NDUFAF7: variants seen among roughly 807,000 people sequenced by gnomAD.
NDUFAF7 encodes the protein NADH:ubiquinone oxidoreductase complex assembly factor 7.
Under a neutral mutation model 47.2 loss-of-function variants are expected in NDUFAF7, and 48 were observed. That is an observed-to-expected ratio of 1.02 (90% CI 0.81 to 1.29). The LOEUF is 1.29. Among genes scored for constraint, NDUFAF7 ranks in the 50% most tolerant of loss-of-function variants. NDUFAF7 has a pLI of 0.00. For synonymous variants in NDUFAF7, 217 were observed against 190.0 expected (o/e 1.14, Z -1.17); for missense variants, 635 against 537.6 (o/e 1.18, Z -1.79).
chr2:37,245,656 T>C (rs1373546602), intron 7 of NDUFAF7, among the ~76,000 whole-genome samples: 1 of 147,594 alleles, frequency 6.8e-6, no homozygotes, highest in African/African-American at 2.5e-5. Context: ...TTTCATTGAC[T>C]GTTATGTGCC....
downstream of NDUFAF7, among the ~76,000 whole-genome samples, chr2:37,258,379 C>T (rs1668145241): frequency 6.6e-6 from 1 of 152,196 alleles, no homozygotes; most frequent in South Asian, 2.1e-4. Context: ...TTGTTAAATG[C>T]CAGATTTCAG....
At chr2:37,237,504 A>G (rs982503177) in intron 3 of NDUFAF7, among the ~76,000 whole-genome samples, 1 of 152,192 alleles carries the variant, frequency 6.6e-6, no homozygotes, top group African/African-American at 2.4e-5. Context: ...ATATCCTCTT[A>G]TCTATGTCAT....
At chr2:37,268,471 G>T in the NDUFAF7 span, 2 of 392,730 alleles carry the variant, frequency 5.1e-6, no homozygotes, top group South Asian at 3.8e-5. Context: ...GGAATACAAA[G>T]AAGATCCAGA....
At chr2:37,250,063 A>G (rs1015574626), downstream of NDUFAF7, among the ~76,000 whole-genome samples, 4 of 151,726 alleles carry the variant, frequency 2.6e-5, no homozygotes, top group African/African-American at 7.3e-5. Context: ...CTCATTAGCT[A>G]TCATTAGTGG....
At position 37,233,980 on chromosome 2, in the gene NDUFAF7, G is replaced by C. The variant is rs139094452; in HGVS notation, c.216+1714G>C. ...ACTTTGTCATCTGTGGAAATCATTG[G>C]TATTTCCTTATCACAATACAGTGAT... On this transcript the variant is annotated intron_variant, in intron 2 of 9. Coordinates refer to ENST00000002125, the MANE Select transcript of NDUFAF7 (RefSeq NM_144736.5). 3.7e-4 allele frequency among the ~76,000 whole-genome samples: 56 copies of C among 152,298 alleles called. No homozygotes were observed. In the East Asian group the frequency reaches 7.7e-3, roughly 21 times the overall value.
intron 8 of NDUFAF7, 55 bp from the exon 9 acceptor site, chr2:37,247,401 T>C: frequency 6.3e-7 from 1 of 1,577,418 alleles, no homozygotes; most frequent in Admixed American, 1.7e-5. Flanking sequence ...ATGATAGCAT[T>C]TCTTTAATCT....
At chr2:37,253,421 GT>G (rs138987723), downstream of NDUFAF7, 289 of 1,307,352 alleles carry the variant, frequency 2.2e-4, no homozygotes, top group East Asian at 5.5e-4. Flanking sequence ...TTTGTTTTGT[GT>G]TTTTTTTTGT....
At chr2:37,269,544 C>G in the NDUFAF7 span, 1 of 1,345,298 alleles carries the variant, frequency 7.4e-7, no homozygotes, top group Non-Finnish European at 1.1e-6. Flanking sequence ...GACAAAACAG[C>G]TGGCAGATGT....
At chr2:37,251,407 G>A (rs1667480621), downstream of NDUFAF7, 1 of 152,438 alleles carries the variant, frequency 6.6e-6, no homozygotes, top group Non-Finnish European at 1.5e-5. Flanking sequence ...ATCTCCCCTT[G>A]CCTCAGTTTT....
At chr2:37,251,638 A>T (rs1314287589), downstream of NDUFAF7, 1 of 151,916 alleles carries the variant, frequency 6.6e-6, no homozygotes, top group African/African-American at 2.4e-5. Flanking sequence ...TGCTACCTCA[A>T]ATTCGGTGGG....
chr2:37,252,745 A>G, downstream of NDUFAF7: 1 of 151,970 alleles, frequency 6.6e-6, no homozygotes, highest in African/African-American at 2.4e-5. Context: ...CTGTCGAGTA[A>G]TCAATCTTGT....
downstream of NDUFAF7, among the ~76,000 whole-genome samples, chr2:37,257,507 T>C (rs1668052974): frequency 1.3e-5 from 2 of 151,660 alleles, no homozygotes; most frequent in South Asian, 4.2e-4. Flanking sequence ...CTACTGAAGA[T>C]ACAAAAAAAT....
chr2:37,265,724 T>C, the NDUFAF7 span, among the ~76,000 whole-genome samples: 1 of 152,194 alleles, frequency 6.6e-6, no homozygotes, highest in Non-Finnish European at 1.5e-5. Flanking sequence ...AAAGATAGTC[T>C]TGTATTAAAT....
chr2:37,235,114 C>T (rs751408377), intron 2 of NDUFAF7, among the ~76,000 whole-genome samples: 2 of 151,900 alleles, frequency 1.3e-5, no homozygotes, highest in Non-Finnish European at 2.9e-5. Context: ...CTGGATTTGG[C>T]CTTAGGTTGG....
At chr2:37,259,326 T>C in the NDUFAF7 span, among the ~76,000 whole-genome samples, 1 of 152,226 alleles carries the variant, frequency 6.6e-6, no homozygotes, top group Admixed American at 6.5e-5. Flanking sequence ...GCTCACTTCG[T>C]TCCCAGCCCC....
At chr2:37,232,786 C>T (rs1156963257) in intron 2 of NDUFAF7, among the ~76,000 whole-genome samples, 1 of 152,168 alleles carries the variant, frequency 6.6e-6, no homozygotes, top group Non-Finnish European at 1.5e-5. Flanking sequence ...CAGTCTGGGT[C>T]GTCTTCACTG....
intron 2 of NDUFAF7, among the ~76,000 whole-genome samples, chr2:37,234,129 A>G (rs1165693274): frequency 1.3e-5 from 2 of 152,048 alleles, no homozygotes; most frequent in Non-Finnish European, 1.5e-5. Context: ...TCATTCTGTC[A>G]CCCAGGCTGG....
rs989140264 is a variant in NDUFAF7, at chr2:37,246,034, C to A, written c.793-18C>A. 2.5e-6 allele frequency: 4 copies of A among 1,612,958 alleles called. No individual in the cohort carries two copies. Among genetic ancestry groups the A allele is most frequent in the East Asian group, 2.2e-5 (1 of 44,860 alleles). Reference sequence around the variant, plus strand: ...TTTGAATGATGCATTTTGACTCTTGCAATGATCCCTTTACTAGCATGACGA... The same window carrying A: ...TTTGAATGATGCATTTTGACTCTTGAAATGATCCCTTTACTAGCATGACGA... On this transcript the variant is annotated intron_variant, in intron 7 of 9. Coordinates refer to ENST00000002125, the MANE Select transcript of NDUFAF7 (RefSeq NM_144736.5).
chr2:37,269,581 T>G, the NDUFAF7 span: 25 of 1,558,346 alleles, frequency 1.6e-5, no homozygotes, highest in Non-Finnish European at 2.0e-5. Flanking sequence ...TTTAAAATAA[T>G]GTGTACAATA....
Sources: allele counts gnomAD v4.1 joint callset (sites outside exome capture counted in the v4.1 genomes callset), GRCh38; gene constraint gnomAD v4.1.1; transcripts MANE v1.5; gene names NCBI Gene and HGNC (gene_info 2026-07-23, HGNC 2026-07-21).